Variants in CHRNA7 observed in about 807,000 individuals in gnomAD.
CHRNA7 encodes the protein neuronal acetylcholine receptor subunit alpha-7.
Under a neutral mutation model 48.0 loss-of-function variants are expected in CHRNA7, and 17 were observed. That is an observed-to-expected ratio of 0.35 (90% CI 0.24 to 0.53). The LOEUF is 0.53. Among genes scored for constraint, CHRNA7 ranks in the 20% least tolerant of loss-of-function variants. The pLI, the probability that CHRNA7 is intolerant of heterozygous loss-of-function variation, is 0.92. For missense variants in CHRNA7, 155 were observed against 577.7 expected (o/e 0.27, Z 7.50); for synonymous variants, 75 against 242.3 (o/e 0.31, Z 6.41).
At chr15:32,030,692 C>T (rs779715539) in intron 1 of CHRNA7, 43 bp downstream of exon 1, 1 of 1,551,582 alleles carries the variant, frequency 6.4e-7, no homozygotes, top group Admixed American at 1.9e-5. Flanking sequence ...CCGTGGGATC[C>T]CGGGCACATC....
At chr15:32,059,930 G>A (rs113581112) in intron 2 of CHRNA7, among the ~76,000 whole-genome samples, 58 of 70,180 alleles carry the variant, frequency 8.3e-4, no homozygotes, top group Admixed American at 7.6e-4. Context: ...TCTCTGAAAC[G>A]CCAAGTAGAA....
chr15:32,127,681 G>A (rs1258622655), intron 4 of CHRNA7, among the ~76,000 whole-genome samples: 3 of 151,982 alleles, frequency 2.0e-5, no homozygotes, highest in African/African-American at 7.2e-5. Context: ...TTTTACTCTT[G>A]AGATTTAAGA....
Position 32,109,778 on chromosome 15 carries a change from G to A in CHRNA7, c.241-2012G>A, listed in dbSNP as rs114579995. 9.2e-3 allele frequency among the ~76,000 whole-genome samples: 1,405 copies of A among 152,316 alleles called. 21 individuals are homozygous for A. Among genetic ancestry groups the A allele is most frequent in the African/African-American group, 0.032 (1,327 of 41,576 alleles). On this transcript the variant is annotated intron_variant, in intron 3 of 9. Coordinates refer to ENST00000306901, the MANE Select transcript of CHRNA7 (RefSeq NM_000746.6). ...AACTATGGTGAGTCTGCTATGGTGAGTCTGGACATACACAGGACACTGGAC... is the reference window on the plus strand; with the variant it reads ...AACTATGGTGAGTCTGCTATGGTGAATCTGGACATACACAGGACACTGGAC...
chr15:32,033,356 C>A (rs1901934666), intron 2 of CHRNA7, among the ~76,000 whole-genome samples: 1 of 152,196 alleles, frequency 6.6e-6, no homozygotes. Flanking sequence ...TGTAACTACT[C>A]AACTCAGAGG....
intron 2 of CHRNA7, among the ~76,000 whole-genome samples, chr15:32,056,597 G>A (rs770599215): frequency 6.6e-6 from 1 of 152,012 alleles, no homozygotes; most frequent in Non-Finnish European, 1.5e-5. Context: ...TAAAAATGTT[G>A]ACATCACACA....
At chr15:32,043,507 T>C (rs990215139) in intron 2 of CHRNA7, among the ~76,000 whole-genome samples, 1 of 152,122 alleles carries the variant, frequency 6.6e-6, no homozygotes, top group Non-Finnish European at 1.5e-5. Context: ...TCTATTAGTT[T>C]GTTAGTCATA....
At chr15:32,067,431 C>G (rs535561456) in intron 2 of CHRNA7, among the ~76,000 whole-genome samples, 1 of 152,236 alleles carries the variant, frequency 6.6e-6, no homozygotes, top group South Asian at 2.1e-4. Context: ...AAATATCTTT[C>G]AAAATGAAGG....
At chr15:32,140,670 G>A (rs1292558939) in intron 4 of CHRNA7, among the ~76,000 whole-genome samples, 2 of 152,170 alleles carry the variant, frequency 1.3e-5, no homozygotes, top group Non-Finnish European at 2.9e-5. Flanking sequence ...TTTCTCTGAT[G>A]GCCAGTGATG....
intron 2 of CHRNA7, among the ~76,000 whole-genome samples, chr15:32,060,058 C>CA (rs575282572): frequency 2.0e-5 from 3 of 147,864 alleles, no homozygotes; most frequent in African/African-American, 7.5e-5. Flanking sequence ...TCCAGTTATG[C>CA]AAAACCAAAA....
Position 32,038,185 on chromosome 15 carries a change from ATT to A in CHRNA7, c.195+7151_195+7152del, listed in dbSNP as rs375206786. Among the ~76,000 whole-genome samples, 32 of 148,286 alleles carry A rather than the reference ATT, an allele frequency of 2.2e-4. No homozygotes were observed. In the South Asian group the frequency reaches 4.4e-3, roughly 20 times the overall value. ...TATTTATTTACATTTATATAAACAT[ATT>A]TTGTATATATAATATACATATTTTA... On this transcript the variant is annotated intron_variant, in intron 2 of 9. Transcript: ENST00000306901.
rs2051965918 is a variant in CHRNA7, at chr15:32,163,449, GTTTTTTGTTTGT to G, written c.990+122_990+133del. The G allele has an allele frequency of 6.4e-6, 2 of 313,436 alleles. 1 individual carries two copies. The highest frequency in any genetic ancestry group is 8.0e-5 in the African/African-American group (2 of 24,958). 19.4% of individuals were successfully genotyped at this position (313,436 alleles called of 1,614,324 possible). A position where few individuals can be genotyped will look rare whatever the true frequency, so the allele number is the denominator to read the frequency against. On this transcript the variant is annotated intron_variant, in intron 9 of 9. Transcript: ENST00000306901. ...GGCATTCCTAAAGAAATAGCTTTGG[GTTTTTTGTTTGT>G]TTTTTTGAGACGGAGTCTCACTATG...
chr15:32,107,179 C>T (rs1403386361), intron 3 of CHRNA7, among the ~76,000 whole-genome samples: 2 of 152,168 alleles, frequency 1.3e-5, no homozygotes, highest in Non-Finnish European at 2.9e-5. Context: ...TTTCCACCAG[C>T]AACTGGGGGT....
intron 4 of CHRNA7, among the ~76,000 whole-genome samples, chr15:32,113,187 G>T (rs2050792001): frequency 6.6e-6 from 1 of 152,088 alleles, no homozygotes; most frequent in Non-Finnish European, 1.5e-5. Flanking sequence ...GTCAGGACTG[G>T]CTTCTTCTGA....
intron 4 of CHRNA7, among the ~76,000 whole-genome samples, chr15:32,131,420 T>C (rs998576844): frequency 2.0e-5 from 3 of 152,130 alleles, no homozygotes; most frequent in Admixed American, 1.3e-4. Flanking sequence ...TTCTATTCTG[T>C]CTTCAAGTCA....
intron 3 of CHRNA7, among the ~76,000 whole-genome samples, chr15:32,109,401 G>C (rs144033994): frequency 2.6e-5 from 4 of 152,220 alleles, no homozygotes; most frequent in Admixed American, 6.5e-5. Flanking sequence ...TGTATCTTGT[G>C]CCAACTTCCT....
intron 3 of CHRNA7, among the ~76,000 whole-genome samples, chr15:32,106,791 C>T (rs1164156936): frequency 1.3e-5 from 2 of 152,214 alleles, no homozygotes; most frequent in Non-Finnish European, 1.5e-5. Flanking sequence ...CCTTCTCTAA[C>T]TTTAACCTCC....
At chr15:32,128,750 TCTTA>T (rs969084205) in intron 4 of CHRNA7, among the ~76,000 whole-genome samples, 2 of 152,012 alleles carry the variant, frequency 1.3e-5, no homozygotes, top group Middle Eastern at 3.4e-3. Flanking sequence ...TTTCTAGGCC[TCTTA>T]CTTCCTTTAC....
chr15:32,031,967 G>A (rs2141156264), intron 2 of CHRNA7, among the ~76,000 whole-genome samples: 1 of 152,210 alleles, frequency 6.6e-6, no homozygotes, highest in South Asian at 2.1e-4. Flanking sequence ...AGAGGTGAGA[G>A]AATAGCCACA....
intron 2 of CHRNA7, among the ~76,000 whole-genome samples, chr15:32,043,671 CAT>C (rs2049486788): frequency 6.6e-6 from 1 of 152,040 alleles, no homozygotes; most frequent in African/African-American, 2.4e-5. Context: ...CTGTTATTGT[CAT>C]ATATTTTATT....
Sources: gnomAD v4.1 joint callset for allele counts (sites outside exome capture counted in the v4.1 genomes callset) on GRCh38, gnomAD v4.1.1 for gene constraint, MANE v1.5 for transcripts, NCBI Gene and HGNC (gene_info 2026-07-23, HGNC 2026-07-21) for gene names.